Variants in C8orf34 observed in about 807,000 individuals in gnomAD.
The protein encoded by C8orf34 is chromosome 8 open reading frame 34.
In C8orf34, 65 loss-of-function variants were observed where a neutral mutation model predicts 68.3. The ratio of observed to expected loss-of-function variants is 0.95; its 90% CI spans 0.78 to 1.17. C8orf34 has a LOEUF of 1.17. Ranked by LOEUF, C8orf34 falls within the 50% of genes most tolerant of loss-of-function variation. The probability of loss-of-function intolerance (pLI) is 0.00; values close to 1 mark genes in which losing one functional copy is unlikely to be tolerated. For synonymous variants in C8orf34, 244 were observed against 241.2 expected, an observed-to-expected ratio of 1.01 and a Z score of -0.11; for missense variants, 664 against 655.4, an observed-to-expected ratio of 1.01 and a Z score of -0.14.
chr8:68,743,025 C>T (rs1822349563), intron 10 of C8orf34, among the ~76,000 whole-genome samples: 3 of 152,142 alleles, frequency 2.0e-5, no homozygotes. Flanking sequence ...TACTTCTGGT[C>T]CCTATTTTAT....
At chr8:68,787,398 A>G (rs1239730874) in intron 11 of C8orf34, 45 bp from the exon 12 acceptor site, 2 of 1,342,124 alleles carry the variant, frequency 1.5e-6, no homozygotes, top group African/African-American at 2.9e-5. Context: ...AATGTTCATG[A>G]TATCAAAACA....
At chr8:68,814,670 C>T (rs1283151075) in intron 12 of C8orf34, among the ~76,000 whole-genome samples, 1 of 152,136 alleles carries the variant, frequency 6.6e-6, no homozygotes, top group African/African-American at 2.4e-5. Context: ...TGCTAACTTA[C>T]TCAAAGTGAC....
At chr8:68,669,857 C>A (rs994001135) in intron 8 of C8orf34, among the ~76,000 whole-genome samples, 21 of 152,128 alleles carry the variant, frequency 1.4e-4, no homozygotes, top group Admixed American at 3.3e-4. Context: ...TCATTTCAGG[C>A]CCCCTTTGTC....
At chr8:68,354,660 G>C (rs1461378445) in intron 1 of C8orf34, among the ~76,000 whole-genome samples, 2 of 152,086 alleles carry the variant, frequency 1.3e-5, no homozygotes, top group Non-Finnish European at 1.5e-5. Flanking sequence ...ATTTCTCTGT[G>C]TCTCCTAGAG....
intron 12 of C8orf34, among the ~76,000 whole-genome samples, chr8:68,804,928 AAAC>A (rs2129529721): frequency 6.6e-6 from 1 of 152,348 alleles, no homozygotes; most frequent in South Asian, 2.1e-4. Context: ...CCTTATGGCA[AAAC>A]CTACATATAA....
chr8:68,758,499 T>C (rs567465303), intron 10 of C8orf34, among the ~76,000 whole-genome samples: 1 of 152,302 alleles, frequency 6.6e-6, no homozygotes. Context: ...ATATCCTCTC[T>C]AGAAACAAGT....
chr8:68,553,959 A>G (rs989446743), intron 7 of C8orf34, among the ~76,000 whole-genome samples: 6 of 152,128 alleles, frequency 3.9e-5, no homozygotes, highest in Non-Finnish European at 5.9e-5. Context: ...GGGAATTCAA[A>G]TTCAATGAAA....
At chr8:68,603,690 G>C (rs2130513956) in intron 7 of C8orf34, among the ~76,000 whole-genome samples, 1 of 152,064 alleles carries the variant, frequency 6.6e-6, no homozygotes, top group South Asian at 2.1e-4. Flanking sequence ...ATTTCAAGAA[G>C]AGACAAAACT....
intron 7 of C8orf34, among the ~76,000 whole-genome samples, chr8:68,599,852 GTA>G (rs1175145997): frequency 3.3e-5 from 5 of 151,830 alleles, no homozygotes; most frequent in Non-Finnish European, 7.4e-5. Context: ...AGACAAAAAA[GTA>G]TATGTGTGTG....
intron 8 of C8orf34, among the ~76,000 whole-genome samples, chr8:68,682,005 G>T (rs927492816): frequency 1.3e-5 from 2 of 152,006 alleles, no homozygotes; most frequent in African/African-American, 4.8e-5. Context: ...TAGAAGGATG[G>T]TTGCCAGAGA....
At chr8:68,465,250 G>C (rs996914883) in intron 3 of C8orf34, among the ~76,000 whole-genome samples, 1 of 151,732 alleles carries the variant, frequency 6.6e-6, no homozygotes, top group African/African-American at 2.4e-5. Flanking sequence ...ACTACAATGA[G>C]ATACCATCTC....
chr8:68,351,658 C>T (rs937800007), intron 1 of C8orf34, among the ~76,000 whole-genome samples: 2 of 152,050 alleles, frequency 1.3e-5, no homozygotes, highest in Non-Finnish European at 2.9e-5. Context: ...GTTCACTCCT[C>T]TCATTCTTTT....
intron 7 of C8orf34, among the ~76,000 whole-genome samples, chr8:68,577,887 A>T (rs1816951521): frequency 6.6e-6 from 1 of 151,860 alleles, no homozygotes; most frequent in Admixed American, 6.6e-5. Context: ...TATTTAGCAT[A>T]CAAACACGAA....
chr8:68,689,063 G>A lies in C8orf34; in HGVS notation c.1242-19931G>A, dbSNP rs111374707. ...ATACACCATGAAATACTACTCAGCC[G>A]TAAAAAGGAATGGAATAACGTCTTT... On this transcript the variant is annotated intron_variant, in intron 8 of 13. Coordinates refer to ENST00000518698, the MANE Select transcript of C8orf34 (RefSeq NM_052958.4). 9.1e-3 allele frequency among the ~76,000 whole-genome samples: 1,389 copies of A among 152,078 alleles called. 15 individuals carry two copies. Among genetic ancestry groups the A allele is most frequent in the African/African-American group, 0.022 (913 of 41,552 alleles).
chr8:68,417,575 C>A, intron 1 of C8orf34, among the ~76,000 whole-genome samples: 1 of 151,974 alleles, frequency 6.6e-6, no homozygotes. Flanking sequence ...AAAATAAGAA[C>A]CTATATTATT....
In C8orf34 at chr8:68,658,523, A is replaced by C. The variant is rs562616006; in HGVS notation, c.1241+18012A>C. Among the ~76,000 whole-genome samples, 8 of 152,326 alleles carry C rather than the reference A, an allele frequency of 5.3e-5. No homozygotes were observed. The East Asian group carries it at 1.5e-3, about 29-fold the overall frequency. On this transcript the variant is annotated intron_variant, in intron 8 of 13. Transcript: ENST00000518698. The stretch of plus-strand genomic sequence containing the variant: ...AAGCGCAGCAAAATGACTATTGTCC[A>C]CCAGAGACTCATAGCTATTCTATTT...
intron 10 of C8orf34, among the ~76,000 whole-genome samples, chr8:68,755,540 G>T (rs1474573206): frequency 6.6e-6 from 1 of 152,186 alleles, no homozygotes; most frequent in Non-Finnish European, 1.5e-5. Context: ...CTGCTGCCGG[G>T]AGGCTCAGTA....
At chr8:68,404,343 T>C (rs1038029146) in intron 1 of C8orf34, among the ~76,000 whole-genome samples, 2 of 152,220 alleles carry the variant, frequency 1.3e-5, no homozygotes, top group African/African-American at 2.4e-5. Context: ...ACTCTGATGA[T>C]AGTTTCTTTT....
chr8:68,418,641 C>T (rs1809791266), intron 1 of C8orf34, among the ~76,000 whole-genome samples: 1 of 152,112 alleles, frequency 6.6e-6, no homozygotes, highest in African/African-American at 2.4e-5. Context: ...AGATATAGAT[C>T]AACGGAACAG....
Sources: gnomAD v4.1 joint callset for allele counts (sites outside exome capture counted in the v4.1 genomes callset) on GRCh38, gnomAD v4.1.1 for gene constraint, MANE v1.5 for transcripts, NCBI Gene and HGNC (gene_info 2026-07-23, HGNC 2026-07-21) for gene names.